RBFOX1: variants seen among roughly 807,000 people sequenced by gnomAD.
The protein encoded by RBFOX1 is RNA binding protein fox-1 homolog 1.
A neutral mutation model predicts 57.7 loss-of-function variants in RBFOX1; 8 were observed. The observed-to-expected ratio is 0.14, with a 90% CI of 0.08 to 0.25. The LOEUF is 0.25. Among genes scored for constraint, RBFOX1 ranks in the 10% least tolerant of loss-of-function variants. The probability of loss-of-function intolerance (pLI) is 1.00; values close to 1 mark genes in which losing one functional copy is unlikely to be tolerated. For missense variants in RBFOX1, 611 were observed against 548.5 expected (o/e 1.11, Z -1.14); for synonymous variants, 326 against 222.4 (o/e 1.47, Z -4.15).
intron 11 of RBFOX1, among the ~76,000 whole-genome samples, chr16:7,653,183 A>G (rs906769556): frequency 5.3e-5 from 8 of 152,322 alleles, no homozygotes; most frequent in Admixed American, 5.2e-4. Flanking sequence ...GACATGACAC[A>G]TCTTGCAATC....
At chr16:7,218,079 CTG>C (rs146860986) in intron 4 of RBFOX1, among the ~76,000 whole-genome samples, 60,413 of 149,662 alleles carry the variant, frequency 0.4, 12,581 homozygotes, top group East Asian at 0.66. Flanking sequence ...GTGTGTGCGT[CTG>C]TGTGTGTGTG....
At chr16:7,018,346 G>A (rs2094020094) in intron 3 of RBFOX1, among the ~76,000 whole-genome samples, 1 of 152,078 alleles carries the variant, frequency 6.6e-6, no homozygotes, top group Admixed American at 6.5e-5. Flanking sequence ...GTTGTTTCAG[G>A]CCACCTCCAT....
intron 2 of RBFOX1, among the ~76,000 whole-genome samples, chr16:6,634,475 A>G (rs575850820): frequency 5.3e-5 from 8 of 150,508 alleles, no homozygotes; most frequent in Middle Eastern, 3.5e-3. Flanking sequence ...TTAATATAAT[A>G]GATGATACAT....
chr16:6,477,906 T>C (rs1037006269), intron 2 of RBFOX1, among the ~76,000 whole-genome samples: 1 of 152,172 alleles, frequency 6.6e-6, no homozygotes, highest in East Asian at 1.9e-4. Flanking sequence ...TTACAGATAC[T>C]CCTCCTTGCC....
intron 3 of RBFOX1, among the ~76,000 whole-genome samples, chr16:6,681,574 T>G (rs72764906): frequency 0.095 from 14,439 of 152,084 alleles, 988 homozygotes; most frequent in African/African-American, 0.2. Flanking sequence ...AAGTAACAAT[T>G]TGTTGTTAAT....
intron 3 of RBFOX1, among the ~76,000 whole-genome samples, chr16:6,996,840 C>G (rs961396725): frequency 3.3e-5 from 5 of 152,030 alleles, no homozygotes; most frequent in African/African-American, 9.7e-5. Flanking sequence ...TGCTAGTTTG[C>G]TGAATGGGAC....
intron 4 of RBFOX1, among the ~76,000 whole-genome samples, chr16:7,164,297 G>C (rs567812958): frequency 1.3e-5 from 2 of 152,104 alleles, no homozygotes; most frequent in Non-Finnish European, 1.5e-5. Flanking sequence ...CCATTATTTT[G>C]TTCCTTTTTA....
intron 3 of RBFOX1, among the ~76,000 whole-genome samples, chr16:6,898,601 T>A (rs1395647858): frequency 6.6e-6 from 1 of 152,130 alleles, no homozygotes; most frequent in Non-Finnish European, 1.5e-5. Flanking sequence ...GGGAGTAACA[T>A]AAAAGGAAGT....
intron 2 of RBFOX1, among the ~76,000 whole-genome samples, chr16:6,462,526 C>T (rs17140288): frequency 0.035 from 5,328 of 152,168 alleles, 283 homozygotes; most frequent in African/African-American, 0.12. Context: ...ATTAATTCTT[C>T]GTTGGATTTG....
At chr16:7,037,470 C>T (rs541705061) in intron 3 of RBFOX1, among the ~76,000 whole-genome samples, 14 of 152,150 alleles carry the variant, frequency 9.2e-5, no homozygotes, top group African/African-American at 3.1e-4. Flanking sequence ...AAACCTCTGA[C>T]AATTGTGATG....
At chr16:5,658,303 G>C (rs567383068) in intron 3 of RBFOX1, among the ~76,000 whole-genome samples, 2 of 152,286 alleles carry the variant, frequency 1.3e-5, no homozygotes, top group South Asian at 4.1e-4. Context: ...CCTGAGCCAA[G>C]GGGAGCAAAC....
intron 1 of RBFOX1, among the ~76,000 whole-genome samples, chr16:5,258,209 A>T (rs1340357703): frequency 6.6e-6 from 1 of 152,088 alleles, no homozygotes; most frequent in Non-Finnish European, 1.5e-5. Flanking sequence ...TTATTATGAA[A>T]AATTTTCAAT....
chr16:5,809,147 C>A (rs779591497), intron 3 of RBFOX1, among the ~76,000 whole-genome samples: 1 of 152,186 alleles, frequency 6.6e-6, no homozygotes, highest in Non-Finnish European at 1.5e-5. Context: ...TGGATCCCTT[C>A]CTTACACCTT....
At chr16:6,080,161 G>C (rs2095978445) in intron 1 of RBFOX1, among the ~76,000 whole-genome samples, 1 of 152,196 alleles carries the variant, frequency 6.6e-6, no homozygotes, top group Non-Finnish European at 1.5e-5. Context: ...GGCAAGGAGA[G>C]AGCGTGGCAG....
rs111288741 is a variant in RBFOX1, at chr16:5,497,254, AT to A, written c.258+30010del. ...TATTATCTTTGAAATCCTTTGGGAT[AT>A]TTTTTTTTTCTCAGATAACACAAGC... On this transcript the variant is annotated intron_variant, in intron 2 of 2. Transcript: ENST00000585867. 9.0e-3 allele frequency among the ~76,000 whole-genome samples: 1,321 copies of A among 146,416 alleles called. 14 individuals are homozygous for A. The highest frequency in any genetic ancestry group is 0.05 in the Middle Eastern group (14 of 280).
intron 4 of RBFOX1, among the ~76,000 whole-genome samples, chr16:5,896,085 C>T (rs1324413226): frequency 6.6e-6 from 1 of 151,958 alleles, no homozygotes; most frequent in Non-Finnish European, 1.5e-5. Flanking sequence ...GGGGAAGTGC[C>T]GTCAGGAGAA....
At chr16:6,015,930 A>C (rs1467567753), upstream of RBFOX1, among the ~76,000 whole-genome samples, 2 of 152,234 alleles carry the variant, frequency 1.3e-5, no homozygotes, top group African/African-American at 4.8e-5. Flanking sequence ...TAAATGGTTT[A>C]CATGGGGGAC....
intron 4 of RBFOX1, among the ~76,000 whole-genome samples, chr16:7,108,359 T>A (rs1411623809): frequency 6.6e-6 from 1 of 152,220 alleles, no homozygotes; most frequent in Admixed American, 6.5e-5. Context: ...CTTTGTTTGC[T>A]TCCTGAATAA....
chr16:7,137,832 C>G (rs1052292880), intron 4 of RBFOX1, among the ~76,000 whole-genome samples: 3 of 152,190 alleles, frequency 2.0e-5, no homozygotes, highest in South Asian at 2.1e-4. Flanking sequence ...AATGTATGTG[C>G]ACAGGCTCAC....
Sources: gnomAD v4.1 joint callset for allele counts (sites outside exome capture counted in the v4.1 genomes callset) on GRCh38, gnomAD v4.1.1 for gene constraint, MANE v1.5 for transcripts, NCBI Gene and HGNC (gene_info 2026-07-23, HGNC 2026-07-21) for gene names.